ADAMTS16: variants seen among roughly 807,000 people sequenced by gnomAD.
The protein encoded by ADAMTS16 is ADAM metallopeptidase with thrombospondin type 1 motif 16.
Under a neutral mutation model 145.8 loss-of-function variants are expected in ADAMTS16, and 94 were observed. That is an observed-to-expected ratio of 0.64 (90% CI 0.55 to 0.77). ADAMTS16 has a LOEUF of 0.77. Ranked by LOEUF, ADAMTS16 falls within the 30% of genes least tolerant of loss-of-function variation. ADAMTS16 has a pLI of 0.00. For synonymous variants in ADAMTS16, 659 were observed against 604.3 expected, an observed-to-expected ratio of 1.09 and a Z score of -1.33; for missense variants, 1,585 against 1,591.5, an observed-to-expected ratio of 1.00 and a Z score of 0.07.
chr5:5,303,136 T>G, intron 18 of ADAMTS16, 132 bp from the exon 19 acceptor site: 4 of 951,512 alleles, frequency 4.2e-6, no homozygotes, highest in East Asian at 2.8e-5. Flanking sequence ...CCAGGAAAGG[T>G]GGAACTGAAA....
rs1479340327 is a variant in ADAMTS16 at position 5,239,568 on chromosome 5, C to T, written c.2279-113C>T. 4.8e-6 allele frequency: 7 copies of T among 1,456,632 alleles called. No homozygotes were observed. The East Asian group carries it at 1.1e-4, about 24-fold the overall frequency. The allele number at this position is 1,456,632 out of a possible 1,614,324, so 90.2% of individuals were successfully genotyped here. ...CTGATCACCAGAACACGTCTTCACC[C>T]AGTTCCAAATGTGGATTCTCAGGTT... On this transcript the variant is annotated intron_variant, in intron 15 of 22. Coordinates refer to ENST00000274181, the MANE Select transcript of ADAMTS16 (RefSeq NM_139056.4).
chr5:5,290,895 G>A (rs973183545), intron 18 of ADAMTS16, among the ~76,000 whole-genome samples: 1 of 152,240 alleles, frequency 6.6e-6, no homozygotes, highest in East Asian at 1.9e-4. Flanking sequence ...CCCAGACGAG[G>A]TGGAGAACAC....
At chr5:5,318,532 T>TTTAAA (rs1229492916) in intron 22 of ADAMTS16, among the ~76,000 whole-genome samples, 1 of 152,194 alleles carries the variant, frequency 6.6e-6, no homozygotes, top group African/African-American at 2.4e-5. Context: ...GTTCACTATA[T>TTTAAA]TTAAAGAAAG....
intron 18 of ADAMTS16, among the ~76,000 whole-genome samples, chr5:5,282,052 T>A (rs1265843681): frequency 2.0e-5 from 3 of 152,028 alleles, no homozygotes; most frequent in African/African-American, 7.3e-5. Flanking sequence ...GCTCACCCGT[T>A]GAGCCTTTGT....
chr5:5,216,941 AT>A (rs1190716153), intron 10 of ADAMTS16, among the ~76,000 whole-genome samples: 7 of 151,598 alleles, frequency 4.6e-5, no homozygotes, highest in African/African-American at 1.7e-4. Context: ...TGAACTCATC[AT>A]TTTTTATGGC....
chr5:5,261,730 C>T (rs959263508), intron 17 of ADAMTS16, among the ~76,000 whole-genome samples: 1 of 152,162 alleles, frequency 6.6e-6, no homozygotes, highest in Non-Finnish European at 1.5e-5. Context: ...GTGATCCACC[C>T]GCCTCGGCCG....
intron 18 of ADAMTS16, among the ~76,000 whole-genome samples, chr5:5,265,565 T>G (rs2126439169): frequency 6.6e-6 from 1 of 152,240 alleles, no homozygotes; most frequent in Non-Finnish European, 1.5e-5. Context: ...GACAGGCACT[T>G]TAAGAGGGGC....
chr5:5,296,896 A>C (rs1739558640), intron 18 of ADAMTS16, among the ~76,000 whole-genome samples: 1 of 152,204 alleles, frequency 6.6e-6, no homozygotes, highest in Non-Finnish European at 1.5e-5. Context: ...TAGCAAAGGT[A>C]ATTGTAGTAG....
At chr5:5,217,067 A>G (rs1443047213) in intron 10 of ADAMTS16, among the ~76,000 whole-genome samples, 1 of 152,064 alleles carries the variant, frequency 6.6e-6, no homozygotes, top group Non-Finnish European at 1.5e-5. Context: ...CAATAAACAT[A>G]CTTTGACAAA....
chr5:5,311,504 G>T (rs1740438481), intron 21 of ADAMTS16, among the ~76,000 whole-genome samples: 1 of 151,240 alleles, frequency 6.6e-6, no homozygotes. Context: ...TGGAGCTCCG[G>T]GTGTGCATGT....
At position 5,180,185 on chromosome 5, in the gene ADAMTS16, C is replaced by T. The variant is rs970479217; in HGVS notation, c.502-1859C>T. Among the ~76,000 whole-genome samples the T allele has an allele frequency of 7.9e-5, 12 of 151,894 alleles. 1 individual carries two copies. The highest frequency in any genetic ancestry group is 1.5e-4 in the African/African-American group (6 of 41,352). On this transcript the variant is annotated intron_variant, in intron 3 of 22. Coordinates refer to ENST00000274181, the MANE Select transcript of ADAMTS16 (RefSeq NM_139056.4). ...CAAATTTAGAATGGACATTGGATGC[C>T]GTGGGTCAGCAGCTGAGAATACCTA...
chr5:5,205,781 CTTG>C (rs755810758), intron 9 of ADAMTS16, among the ~76,000 whole-genome samples: 2 of 152,016 alleles, frequency 1.3e-5, no homozygotes, highest in Admixed American at 6.6e-5. Context: ...TTTTGTTATT[CTTG>C]TTGTTATTCT....
intron 21 of ADAMTS16, among the ~76,000 whole-genome samples, chr5:5,314,620 C>G (rs1030869541): frequency 6.6e-6 from 1 of 152,200 alleles, no homozygotes; most frequent in African/African-American, 2.4e-5. Flanking sequence ...AAATGTGCAG[C>G]TGAACATCTT....
At chr5:5,239,603 G>A (rs369116025) in intron 15 of ADAMTS16, 78 bp from the exon 16 acceptor site, 46 of 1,567,722 alleles carry the variant, frequency 2.9e-5, no homozygotes, top group Non-Finnish European at 3.6e-5. Context: ...TTTGTTTACC[G>A]AGGACTGGGG....
intron 18 of ADAMTS16, among the ~76,000 whole-genome samples, chr5:5,273,847 G>A (rs572760158): frequency 2.0e-5 from 3 of 152,304 alleles, no homozygotes; most frequent in Admixed American, 6.5e-5. Context: ...ACACTGAAAA[G>A]GAACATAGAA....
intron 9 of ADAMTS16, among the ~76,000 whole-genome samples, chr5:5,202,375 T>TA (rs1281275976): frequency 4.5e-4 from 68 of 151,786 alleles, no homozygotes; most frequent in Middle Eastern, 3.4e-3. Flanking sequence ...GATCATTTTT[T>TA]AAAAAAAAAT....
At chr5:5,288,840 C>T (rs1739195310) in intron 18 of ADAMTS16, among the ~76,000 whole-genome samples, 1 of 152,206 alleles carries the variant, frequency 6.6e-6, no homozygotes, top group Non-Finnish European at 1.5e-5. Context: ...GCTCACTGGG[C>T]TCCCTTCCTG....
At chr5:5,183,376 A>C (rs1407577169) in intron 4 of ADAMTS16, among the ~76,000 whole-genome samples, 1 of 152,234 alleles carries the variant, frequency 6.6e-6, no homozygotes, top group Non-Finnish European at 1.5e-5. Flanking sequence ...CGTGACCGGC[A>C]GGTCAGGACC....
At chr5:5,241,057 T>C (rs953996147) in intron 16 of ADAMTS16, among the ~76,000 whole-genome samples, 1 of 152,064 alleles carries the variant, frequency 6.6e-6, no homozygotes, top group African/African-American at 2.4e-5. Context: ...TGCAACCCCC[T>C]GTCCTGGGCT....
Sources: gnomAD v4.1 joint callset for allele counts (sites outside exome capture counted in the v4.1 genomes callset) on GRCh38, gnomAD v4.1.1 for gene constraint, MANE v1.5 for transcripts, NCBI Gene and HGNC (gene_info 2026-07-23, HGNC 2026-07-21) for gene names.